SYN3: variants seen among roughly 807,000 people sequenced by gnomAD.
SYN3 encodes synapsin III.
Under a neutral mutation model 65.8 loss-of-function variants are expected in SYN3, and 35 were observed. The ratio of observed to expected loss-of-function variants is 0.53; its 90% CI spans 0.41 to 0.70. The LOEUF is 0.70. Among genes scored for constraint, SYN3 ranks in the 30% least tolerant of loss-of-function variants. The probability of loss-of-function intolerance (pLI) is 0.00; values close to 1 mark genes in which losing one functional copy is unlikely to be tolerated. For missense variants in SYN3, 680 were observed against 749.0 expected (o/e 0.91, Z 1.08); for synonymous variants, 270 against 292.9 (o/e 0.92, Z 0.80).
At chr22:33,003,565 A>T (rs1406052841) in intron 2 of SYN3, among the ~76,000 whole-genome samples, 1 of 152,190 alleles carries the variant, frequency 6.6e-6, no homozygotes, top group Non-Finnish European at 1.5e-5. Context: ...GGCCCTAGAG[A>T]TCTGTGGAAC....
intron 7 of SYN3, among the ~76,000 whole-genome samples, chr22:32,584,857 G>C (rs572114426): frequency 6.6e-6 from 1 of 152,212 alleles, no homozygotes; most frequent in Non-Finnish European, 1.5e-5. Context: ...TATGCAAAAG[G>C]TCAGTGCTGG....
At chr22:32,695,239 T>G (rs1383447398) in intron 6 of SYN3, among the ~76,000 whole-genome samples, 4 of 152,228 alleles carry the variant, frequency 2.6e-5, no homozygotes, top group Admixed American at 2.6e-4. Flanking sequence ...CTCCTTTTCT[T>G]TCATTAAAAA....
At chr22:33,018,950 T>C (rs2053516601) in intron 1 of SYN3, among the ~76,000 whole-genome samples, 1 of 152,090 alleles carries the variant, frequency 6.6e-6, no homozygotes, top group Non-Finnish European at 1.5e-5. Flanking sequence ...CATCATCCCC[T>C]CCTCTCCATC....
intron 4 of SYN3, among the ~76,000 whole-genome samples, chr22:32,880,613 C>T (rs984393229): frequency 1.1e-4 from 16 of 152,122 alleles, no homozygotes; most frequent in Admixed American, 2.6e-4. Context: ...GAGAAGGCCA[C>T]GGGTACAGCA....
chr22:32,679,013 G>C (rs943060389), intron 6 of SYN3, among the ~76,000 whole-genome samples: 1 of 148,462 alleles, frequency 6.7e-6, no homozygotes, highest in Admixed American at 6.7e-5. Context: ...TCCATTGTAT[G>C]AGCAGAAGAC....
intron 6 of SYN3, among the ~76,000 whole-genome samples, chr22:32,750,005 C>T (rs149567398): frequency 1.3e-5 from 2 of 152,102 alleles, no homozygotes; most frequent in Middle Eastern, 3.2e-3. Flanking sequence ...GGAGGGTAGA[C>T]GTAGGGTCAA....
chr22:32,853,883 T>G (rs1249402349), intron 6 of SYN3, among the ~76,000 whole-genome samples: 1 of 152,176 alleles, frequency 6.6e-6, no homozygotes, highest in Non-Finnish European at 1.5e-5. Context: ...TTAAGTAACT[T>G]TCCAAGTGGC....
At chr22:33,052,038 G>GCC (rs1337213821) in intron 1 of SYN3, among the ~76,000 whole-genome samples, 3 of 152,122 alleles carry the variant, frequency 2.0e-5, no homozygotes, top group South Asian at 4.2e-4. Flanking sequence ...CCTAATCCAA[G>GCC]CCTCACATCG....
intron 7 of SYN3, among the ~76,000 whole-genome samples, chr22:32,586,740 G>C (rs2059049347): frequency 6.6e-6 from 1 of 152,126 alleles, no homozygotes; most frequent in Admixed American, 6.5e-5. Flanking sequence ...GGGCTACAAA[G>C]GAATTTTTGC....
intron 4 of SYN3, 94 bp from the exon 5 acceptor site, chr22:32,869,219 G>T: frequency 7.1e-7 from 1 of 1,399,772 alleles, no homozygotes. Flanking sequence ...GCACTGACTT[G>T]CAGGGCGGCA....
intron 7 of SYN3, among the ~76,000 whole-genome samples, chr22:32,590,346 G>T (rs2059111398): frequency 6.6e-6 from 1 of 152,212 alleles, no homozygotes; most frequent in Non-Finnish European, 1.5e-5. Context: ...TGGTGTGTTT[G>T]TGAGATTCAT....
chr22:32,627,520 G>A (rs1026594238), intron 6 of SYN3, among the ~76,000 whole-genome samples: 2 of 152,010 alleles, frequency 1.3e-5, no homozygotes, highest in South Asian at 4.2e-4. Flanking sequence ...CCTGGGCAGG[G>A]ACACACCCAG....
At chr22:32,821,190 C>A (rs998188316) in intron 6 of SYN3, among the ~76,000 whole-genome samples, 1 of 152,206 alleles carries the variant, frequency 6.6e-6, no homozygotes, top group African/African-American at 2.4e-5. Context: ...CCTTTTACCA[C>A]TGGAGTTAGT....
chr22:32,875,595 G>A (rs1012050718), intron 4 of SYN3, among the ~76,000 whole-genome samples: 2 of 152,216 alleles, frequency 1.3e-5, no homozygotes, highest in African/African-American at 4.8e-5. Context: ...CACTGGAGGA[G>A]AGTGAACCCT....
Position 32,768,535 on chromosome 22 carries a change from G to T in SYN3, c.711+96380C>A, listed in dbSNP as rs540382954. On this transcript the variant is annotated intron_variant, in intron 6 of 13. Coordinates refer to ENST00000358763, the MANE Select transcript of SYN3 (RefSeq NM_003490.4). Reference sequence around the variant, plus strand: ...TCCTTCTGAGCTCCAAGCCATATATGTATAATCAACTGCTTCCTGGATATC... The same window carrying T: ...TCCTTCTGAGCTCCAAGCCATATATTTATAATCAACTGCTTCCTGGATATC... 2.6e-5 allele frequency among the ~76,000 whole-genome samples: 4 copies of T among 152,228 alleles called. No homozygotes were observed. The South Asian group carries it at 8.3e-4, about 32-fold the overall frequency.
At chr22:32,615,080 G>A (rs1015246049) in intron 6 of SYN3, among the ~76,000 whole-genome samples, 1 of 152,152 alleles carries the variant, frequency 6.6e-6, no homozygotes, top group Non-Finnish European at 1.5e-5. Flanking sequence ...GCTGATGTGC[G>A]TTTAACTCCT....
intron 2 of SYN3, among the ~76,000 whole-genome samples, chr22:32,986,573 G>A (rs889985048): frequency 1.3e-5 from 2 of 152,288 alleles, no homozygotes; most frequent in South Asian, 2.1e-4. Context: ...GGCTTCAGCC[G>A]CCTCTGAACG....
intron 4 of SYN3, among the ~76,000 whole-genome samples, chr22:32,873,388 T>C (rs1321262235): frequency 6.6e-6 from 1 of 152,194 alleles, no homozygotes; most frequent in East Asian, 1.9e-4. Context: ...AAGTGTGTGC[T>C]GGAAGCCTTG....
At chr22:32,766,188 A>C (rs1205949035) in intron 6 of SYN3, among the ~76,000 whole-genome samples, 1 of 152,236 alleles carries the variant, frequency 6.6e-6, no homozygotes, top group Non-Finnish European at 1.5e-5. Flanking sequence ...TGGAAAAGGC[A>C]CTTAGGGAAG....
Sources: gnomAD v4.1 joint callset for allele counts (sites outside exome capture counted in the v4.1 genomes callset) on GRCh38, gnomAD v4.1.1 for gene constraint, MANE v1.5 for transcripts, NCBI Gene and HGNC (gene_info 2026-07-23, HGNC 2026-07-21) for gene names.